CIT: variants seen among roughly 807,000 people sequenced by gnomAD.
CIT encodes citron rho-interacting serine/threonine kinase.
In CIT, 79 loss-of-function variants were observed where a neutral mutation model predicts 272.7. That is an observed-to-expected ratio of 0.29 (90% CI 0.24 to 0.35). The LOEUF (loss-of-function observed/expected upper bound fraction) is 0.35, where lower values mean the gene tolerates loss of function less well. Among genes scored for constraint, CIT ranks in the 10% least tolerant of loss-of-function variants. CIT has a pLI of 1.00. For missense variants in CIT, 1,909 were observed against 2,618.3 expected (o/e 0.73, Z 5.91); for synonymous variants, 948 against 995.6 (o/e 0.95, Z 0.90).
chr12:119,736,285 T>C (rs1480074777), intron 24 of CIT, among the ~76,000 whole-genome samples: 1 of 152,236 alleles, frequency 6.6e-6, no homozygotes, highest in Non-Finnish European at 1.5e-5. Flanking sequence ...CCTACAGTTA[T>C]TAATTGTTTC....
intron 23 of CIT, among the ~76,000 whole-genome samples, chr12:119,751,616 A>T (rs1960269005): frequency 8.9e-6 from 1 of 112,382 alleles, no homozygotes; most frequent in South Asian, 3.1e-4. Context: ...TTGAAAAAAA[A>T]AAAAAGTAAC....
At chr12:119,715,986 C>T (rs1957444218) in intron 32 of CIT, among the ~76,000 whole-genome samples, 1 of 152,192 alleles carries the variant, frequency 6.6e-6, no homozygotes, top group Admixed American at 6.5e-5. Flanking sequence ...GAGCAATATA[C>T]TGTAGTACTA....
intron 23 of CIT, among the ~76,000 whole-genome samples, chr12:119,748,461 T>C (rs1383606161): frequency 1.3e-5 from 2 of 148,226 alleles, no homozygotes; most frequent in South Asian, 2.2e-4. Flanking sequence ...CTGGGATCCA[T>C]GGTCAGGATT....
chr12:119,870,626 T>C (rs1950644992), intron 2 of CIT, among the ~76,000 whole-genome samples: 1 of 150,858 alleles, frequency 6.6e-6, no homozygotes, highest in African/African-American at 2.4e-5. Context: ...CACAGATGCT[T>C]GGGCTAGACC....
chr12:119,755,534 T>G (rs1804279242), intron 22 of CIT, among the ~76,000 whole-genome samples: 1 of 152,200 alleles, frequency 6.6e-6, no homozygotes, highest in Admixed American at 6.5e-5. Context: ...CATGAGACAT[T>G]GTATCTTCCC....
chr12:119,767,860 T>G (rs994811484), intron 18 of CIT, among the ~76,000 whole-genome samples: 4 of 151,062 alleles, frequency 2.6e-5, no homozygotes, highest in Non-Finnish European at 5.9e-5. Flanking sequence ...TGGAGTAATA[T>G]AAATAGCCTA....
chr12:119,707,307 G>A (rs889670865), intron 40 of CIT, among the ~76,000 whole-genome samples: 1 of 152,064 alleles, frequency 6.6e-6, no homozygotes, highest in Non-Finnish European at 1.5e-5. Flanking sequence ...CAAATTTCAT[G>A]GCTACACAAA....
At chr12:119,789,526 T>C (rs58368771) in intron 10 of CIT, among the ~76,000 whole-genome samples, 2,869 of 152,328 alleles carry the variant, frequency 0.019, 74 homozygotes, top group African/African-American at 0.065. Context: ...CAGATAGACA[T>C]GGCTCAATTT....
At chr12:119,735,462 ACGTGC>A in intron 24 of CIT, 105 bp from the exon 25 acceptor site, 1 of 1,115,392 alleles carries the variant, frequency 9.0e-7, no homozygotes, top group East Asian at 2.4e-5. Flanking sequence ...CTGGCAATCA[ACGTGC>A]CGCTCATGAG....
chr12:119,735,268 G>A lies in CIT; in HGVS notation c.3048C>T (p.Leu1016=), dbSNP rs150564429. The stretch of plus-strand genomic sequence containing the variant: ...CGTCGTTGGCGCCAGAAGCCTCATC[G>A]AGTTGTTTGGACAAGTAGAAGTTTT... The part of the protein sequence containing the change: ...NNQNFYLSKQ[L]DEASGANDEI... Residue 1016 remains leucine (L), a synonymous_variant, in exon 25 of 48, where the codon CTC becomes CTT. Transcript: ENST00000392521. The A allele has an allele frequency of 7.7e-5, 125 of 1,614,068 alleles. No homozygotes were observed. The highest frequency in any genetic ancestry group is 1.8e-4 in the Admixed American group (11 of 59,996).
At chr12:119,861,304 G>A (rs1170296099) in intron 3 of CIT, among the ~76,000 whole-genome samples, 1 of 151,802 alleles carries the variant, frequency 6.6e-6, no homozygotes, top group Non-Finnish European at 1.5e-5. Context: ...GCAGTCAGAG[G>A]GCCAGGCACT....
chr12:119,825,076 A>T, intron 8 of CIT, 89 bp downstream of exon 8: 1 of 1,151,622 alleles, frequency 8.7e-7, no homozygotes, highest in Non-Finnish European at 1.3e-6. Flanking sequence ...CCGGGATTAC[A>T]GGCATGAGCC....
At chr12:119,688,376 G>A (rs1344977269) in intron 47 of CIT, 121 bp from the exon 48 acceptor site, 5 of 987,598 alleles carry the variant, frequency 5.1e-6, no homozygotes, top group Non-Finnish European at 8.0e-6. Flanking sequence ...CTAGCAGTGA[G>A]TGCTTGGCAG....
intron 7 of CIT, among the ~76,000 whole-genome samples, chr12:119,831,846 G>C: frequency 6.6e-6 from 1 of 152,120 alleles, no homozygotes; most frequent in Non-Finnish European, 1.5e-5. Context: ...CTCCAGCCTG[G>C]GGGACAGAGC....
chr12:119,714,845 C>T (rs75889629), intron 32 of CIT, among the ~76,000 whole-genome samples: 1,990 of 152,286 alleles, frequency 0.013, 46 homozygotes, highest in African/African-American at 0.046. Context: ...TCCAAGGGGA[C>T]TGAAAACATA....
intron 4 of CIT, 128 bp from the exon 5 acceptor site, chr12:119,850,403 G>T: frequency 2.5e-6 from 1 of 396,210 alleles, no homozygotes; most frequent in South Asian, 4.3e-5. Flanking sequence ...AAGGAAAGAA[G>T]GGAAAAGAAA....
At chr12:119,795,789 G>T (rs374374829) in intron 10 of CIT, among the ~76,000 whole-genome samples, 1 of 152,106 alleles carries the variant, frequency 6.6e-6, no homozygotes, top group Non-Finnish European at 1.5e-5. Context: ...TGTAAAATGG[G>T]GATAATATCA....
intron 5 of CIT, among the ~76,000 whole-genome samples, chr12:119,834,679 G>A (rs1968874630): frequency 6.6e-6 from 1 of 152,224 alleles, no homozygotes; most frequent in Non-Finnish European, 1.5e-5. Flanking sequence ...AGTCAGTGTG[G>A]AAGGCAACTG....
intron 5 of CIT, among the ~76,000 whole-genome samples, chr12:119,844,356 A>T (rs1239335050): frequency 6.6e-6 from 1 of 152,084 alleles, no homozygotes; most frequent in Non-Finnish European, 1.5e-5. Context: ...CACCCTCAGT[A>T]GGGTCTGGGA....
Sources: allele counts gnomAD v4.1 joint callset (sites outside exome capture counted in the v4.1 genomes callset), GRCh38; gene constraint gnomAD v4.1.1; transcripts MANE v1.5; gene names NCBI Gene and HGNC (gene_info 2026-07-23, HGNC 2026-07-21).